Variants in CHRM2 observed in about 807,000 individuals in gnomAD.
CHRM2 encodes muscarinic acetylcholine receptor M2.
Under a neutral mutation model 25.0 loss-of-function variants are expected in CHRM2, and 8 were observed. The ratio of observed to expected loss-of-function variants is 0.32; its 90% CI spans 0.19 to 0.58. The LOEUF (loss-of-function observed/expected upper bound fraction) is 0.58. Among genes scored for constraint, CHRM2 ranks in the 20% least tolerant of loss-of-function variants. The probability of loss-of-function intolerance (pLI) is 0.88; values close to 1 mark genes in which losing one functional copy is unlikely to be tolerated. For missense variants in CHRM2, 440 were observed against 567.1 expected (o/e 0.78, Z 2.28); for synonymous variants, 202 against 205.7 (o/e 0.98, Z 0.15).
intron 2 of CHRM2, among the ~76,000 whole-genome samples, chr7:136,981,503 G>T (rs1489434370): frequency 2.0e-5 from 3 of 152,046 alleles, no homozygotes; most frequent in African/African-American, 7.2e-5. Context: ...TTTTGAATTT[G>T]CTTGCTCTTG....
chr7:136,977,582 AGG>A (rs941155657), intron 2 of CHRM2, among the ~76,000 whole-genome samples: 1 of 152,208 alleles, frequency 6.6e-6, no homozygotes, highest in African/African-American at 2.4e-5. Flanking sequence ...GTATCAGAAA[AGG>A]TTTCTCACAG....
At chr7:136,884,651 T>A (rs1328886601) in intron 2 of CHRM2, among the ~76,000 whole-genome samples, 2 of 152,170 alleles carry the variant, frequency 1.3e-5, no homozygotes, top group Non-Finnish European at 2.9e-5. Flanking sequence ...CCCAGACCAC[T>A]GTCACTTACA....
intron 3 of CHRM2, among the ~76,000 whole-genome samples, chr7:137,001,153 T>C (rs1804009571): frequency 6.6e-6 from 1 of 152,106 alleles, no homozygotes; most frequent in Admixed American, 6.6e-5. Context: ...CACATCTTCA[T>C]CCCTGCCCCC....
At chr7:136,909,669 A>G (rs1396383156) in intron 2 of CHRM2, among the ~76,000 whole-genome samples, 4 of 151,928 alleles carry the variant, frequency 2.6e-5, no homozygotes, top group African/African-American at 9.7e-5. Context: ...ACATATATGC[A>G]TACTGTCATG....
intron 2 of CHRM2, among the ~76,000 whole-genome samples, chr7:136,984,853 T>C (rs1455367375): frequency 1.3e-5 from 2 of 152,054 alleles, no homozygotes; most frequent in African/African-American, 4.8e-5. Context: ...TCTGCGTTGG[T>C]CTCGCTGGGA....
At chr7:136,890,924 T>C (rs1796666078) in intron 2 of CHRM2, among the ~76,000 whole-genome samples, 2 of 152,112 alleles carry the variant, frequency 1.3e-5, no homozygotes, top group South Asian at 2.1e-4. Flanking sequence ...TTCTTAAATT[T>C]GTTGCTTCCT....
chr7:136,970,060 T>A (rs1349440788), intron 2 of CHRM2, among the ~76,000 whole-genome samples: 1 of 152,154 alleles, frequency 6.6e-6, no homozygotes, highest in Admixed American at 6.5e-5. Context: ...AATCCCATCA[T>A]GAAGCTTCCC....
rs149575653 is a variant in CHRM2 at position 136,948,824 on chromosome 7, G to A, written c.-124-43363G>A. Among the ~76,000 whole-genome samples the A allele has an allele frequency of 1.4e-4, 22 of 152,274 alleles. No homozygotes were observed. In the South Asian group the frequency reaches 4.6e-3, roughly 32 times the overall value. On this transcript the variant is annotated intron_variant, in intron 2 of 3. Transcript: ENST00000680005. Reference sequence around the variant, plus strand: ...TCCACCACAGCTCCTCTGGTGAACAGAGAGTGAGGCAGTAAGCAGTCTCCT... The same window carrying A: ...TCCACCACAGCTCCTCTGGTGAACAAAGAGTGAGGCAGTAAGCAGTCTCCT...
At chr7:136,887,246 C>T (rs1796504045) in intron 2 of CHRM2, among the ~76,000 whole-genome samples, 1 of 151,888 alleles carries the variant, frequency 6.6e-6, no homozygotes. Flanking sequence ...CTTAAATATA[C>T]ACAATAAAAT....
intron 2 of CHRM2, among the ~76,000 whole-genome samples, chr7:136,970,353 G>C (rs1316212649): frequency 6.6e-6 from 1 of 151,924 alleles, no homozygotes; most frequent in Admixed American, 6.6e-5. Context: ...ATTTATGATA[G>C]TCTTTTTGCC....
chr7:136,877,591 A>G (rs949871433), intron 2 of CHRM2, among the ~76,000 whole-genome samples: 1 of 151,842 alleles, frequency 6.6e-6, no homozygotes, highest in East Asian at 1.9e-4. Context: ...TTCTCTCCCA[A>G]CTCTAGTGGA....
intron 2 of CHRM2, among the ~76,000 whole-genome samples, chr7:136,901,087 A>T (rs570079621): frequency 6.6e-6 from 1 of 152,190 alleles, no homozygotes; most frequent in South Asian, 2.1e-4. Flanking sequence ...TTGAGAACGG[A>T]GTTTCTAATA....
At chr7:136,874,442 A>G (rs1795964898) in intron 2 of CHRM2, among the ~76,000 whole-genome samples, 1 of 151,944 alleles carries the variant, frequency 6.6e-6, no homozygotes, top group African/African-American at 2.4e-5. Context: ...TACCATGGTA[A>G]TGTTTCATGG....
rs144044776 is a variant in CHRM2, at chr7:136,972,555, GA to G, written c.-124-19622del. ...TTCTCAGATTTAATTTCTTATGAAA[GA>G]AAAAAAAAATATGGTTGATAGTTCT... On this transcript the variant is annotated intron_variant, in intron 2 of 3. Transcript: ENST00000680005. Among the ~76,000 whole-genome samples, 284 of 148,734 alleles carry G rather than the reference GA, an allele frequency of 1.9e-3. 2 individuals are homozygous for G. Among genetic ancestry groups the G allele is most frequent in the African/African-American group, 6.3e-3 (256 of 40,614 alleles).
At position 136,968,749 on chromosome 7, in the gene CHRM2, C is replaced by A. The variant is rs558659174; in HGVS notation, c.-124-23438C>A. ...ATATATATATATATATATATACAGA[C>A]AATAAATCACTATCTAGCCTTAAAA... On this transcript the variant is annotated intron_variant, in intron 2 of 3. Coordinates refer to ENST00000680005, the MANE Select transcript of CHRM2 (RefSeq NM_001006630.2). Among the ~76,000 whole-genome samples, 32 of 136,822 alleles carry A rather than the reference C, an allele frequency of 2.3e-4. No individual in the cohort carries two copies. In the East Asian group the frequency reaches 6.3e-3, roughly 27 times the overall value. 89.8% of individuals were successfully genotyped at this position (136,822 alleles called of 152,430 possible).
Position 136,878,326 on chromosome 7 carries a change from C to T in CHRM2, c.-125+8908C>T, listed in dbSNP as rs369672466. Among the ~76,000 whole-genome samples, 15 of 151,930 alleles carry T rather than the reference C, an allele frequency of 9.9e-5. No homozygotes were observed. The East Asian group carries it at 1.5e-3, about 16-fold the overall frequency. On this transcript the variant is annotated intron_variant, in intron 2 of 3. Coordinates refer to ENST00000680005, the MANE Select transcript of CHRM2 (RefSeq NM_001006630.2). ...TCAGTGGAGTAGGCAGTTATGTCTT[C>T]GCATGTAAGCCTAAATAATAAAGAC...
intron 2 of CHRM2, among the ~76,000 whole-genome samples, chr7:136,877,340 A>T (rs964198370): frequency 3.3e-5 from 5 of 152,062 alleles, no homozygotes; most frequent in Non-Finnish European, 5.9e-5. Flanking sequence ...ACACAGTCCC[A>T]TTTGCATACA....
At chr7:136,871,110 C>T in intron 2 of CHRM2, 1 of 153,850 alleles carries the variant, frequency 6.5e-6, no homozygotes, top group Non-Finnish European at 1.4e-5. Flanking sequence ...ACGCCTGCAG[C>T]CACCGCCAGG....
chr7:136,876,046 A>C (rs1276959155), intron 2 of CHRM2, among the ~76,000 whole-genome samples: 1 of 152,142 alleles, frequency 6.6e-6, no homozygotes, highest in African/African-American at 2.4e-5. Flanking sequence ...AATATTTGGC[A>C]TCCTCTATCT....
Sources: allele counts gnomAD v4.1 joint callset (sites outside exome capture counted in the v4.1 genomes callset), GRCh38; gene constraint gnomAD v4.1.1; transcripts MANE v1.5; gene names NCBI Gene and HGNC (gene_info 2026-07-23, HGNC 2026-07-21).